The following GFPT2 variants were observed in gnomAD, a reference collection of about 807,000 sequenced individuals.
GFPT2 encodes glutamine--fructose-6-phosphate transaminase 2, also known as glutamine--fructose-6-phosphate aminotransferase [isomerizing] 2.
Under a neutral mutation model 85.6 loss-of-function variants are expected in GFPT2, and 62 were observed. The observed-to-expected ratio is 0.72, with a 90% CI of 0.59 to 0.90. The LOEUF (loss-of-function observed/expected upper bound fraction) is 0.90. Among genes scored for constraint, GFPT2 ranks in the 40% least tolerant of loss-of-function variants. The probability of loss-of-function intolerance (pLI) is 0.00; values close to 1 mark genes in which losing one functional copy is unlikely to be tolerated. For missense variants in GFPT2, 788 were observed against 893.4 expected (o/e 0.88, Z 1.50); for synonymous variants, 368 against 344.5 (o/e 1.07, Z -0.75).
chr5:180,308,939 G>A (rs542867033), intron 15 of GFPT2, among the ~76,000 whole-genome samples: 4 of 151,272 alleles, frequency 2.6e-5, no homozygotes, highest in African/African-American at 7.3e-5. Flanking sequence ...GCACGATCTC[G>A]GCTCACTGTA....
intron 1 of GFPT2, among the ~76,000 whole-genome samples, chr5:180,339,294 T>G (rs1296265084): frequency 1.3e-5 from 2 of 149,598 alleles, no homozygotes; most frequent in African/African-American, 5.0e-5. Context: ...GCAGGAGAAT[T>G]GCTTGAACCA....
At chr5:180,333,098 T>A (rs1314595244) in intron 4 of GFPT2, among the ~76,000 whole-genome samples, 1 of 152,174 alleles carries the variant, frequency 6.6e-6, no homozygotes, top group Non-Finnish European at 1.5e-5. Context: ...ATGTATTTAT[T>A]TATTTATTTT....
intron 15 of GFPT2, among the ~76,000 whole-genome samples, chr5:180,309,762 CAA>C (rs1195532620): frequency 2.6e-5 from 4 of 151,854 alleles, no homozygotes; most frequent in African/African-American, 9.7e-5. Context: ...AAGGATATTA[CAA>C]AGAGTTGCAA....
intron 1 of GFPT2, among the ~76,000 whole-genome samples, chr5:180,350,333 T>C (rs1764690436): frequency 6.6e-6 from 1 of 152,254 alleles, no homozygotes; most frequent in African/African-American, 2.4e-5. Flanking sequence ...CCCAATTTTG[T>C]ACTTTGGTAA....
intron 18 of GFPT2, 150 bp from the exon 19 acceptor site, chr5:180,301,758 T>C (rs1763677410): frequency 1.5e-6 from 1 of 682,560 alleles, no homozygotes; most frequent in Non-Finnish European, 2.7e-6. Flanking sequence ...GCAGATTCCT[T>C]AGTCCAGAAG....
intron 9 of GFPT2, among the ~76,000 whole-genome samples, chr5:180,321,655 C>T (rs1764122218): frequency 6.6e-6 from 1 of 152,274 alleles, no homozygotes; most frequent in African/African-American, 2.4e-5. Flanking sequence ...GGAGGGCCAC[C>T]TGCCATTCCT....
Position 180,328,446 on chromosome 5 carries a change from T to C in GFPT2, c.535-108A>G, listed in dbSNP as rs1031244413. The C allele has an allele frequency of 1.4e-5, 12 of 855,608 alleles. No individual in the cohort carries two copies. Among genetic ancestry groups the C allele is most frequent in the Non-Finnish European group, 2.0e-5 (10 of 504,274 alleles). The allele number at this position is 855,608 out of a possible 1,614,324, so 53.0% of individuals were successfully genotyped here. A position where few individuals can be genotyped will look rare whatever the true frequency, so the allele number is the denominator to read the frequency against. ...GGCCCCTCCTGATGGCGGGAGGTCC[T>C]GGGGTCCCTCGGGGAGCTGAGTGCA... On this transcript the variant is annotated intron_variant, in intron 6 of 18. Coordinates refer to ENST00000253778, the MANE Select transcript of GFPT2 (RefSeq NM_005110.4). This position sits in a 1 kb window ranked among gnomAD's most constrained non-coding sequence, Gnocchi z 5.4.
chr5:180,333,154 A>T (rs1469236110), intron 4 of GFPT2, among the ~76,000 whole-genome samples: 1 of 151,560 alleles, frequency 6.6e-6, no homozygotes, highest in Non-Finnish European at 1.5e-5. Context: ...CCAGTTACCC[A>T]TATGTTGGAT....
chr5:180,304,776 C>A lies in GFPT2; in HGVS notation c.1838G>T (p.Arg613Leu). 2 of 1,612,094 alleles carry A rather than the reference C, an allele frequency of 1.2e-6. No homozygotes were observed. Among genetic ancestry groups the A allele is most frequent in the Non-Finnish European group, 1.7e-6 (2 of 1,178,954 alleles). Residue 613 changes from arginine to leucine, a missense_variant, in exon 17 of 19, where the codon CGC becomes CTC. By Grantham distance (102) the Arg-to-Leu change is moderately radical (BLOSUM62 -2). Coordinates refer to ENST00000253778, the MANE Select transcript of GFPT2 (RefSeq NM_005110.4). ...CQNALQQVTA[R>L]QGRPIILCSK... ...AGTCCAGTGGAGAGCCCTCACCTGG[C>A]GGGCCGTGACTTGCTGCAGGGCGTT...
chr5:180,307,807 A>G (rs970328180), intron 15 of GFPT2, among the ~76,000 whole-genome samples: 15 of 152,236 alleles, frequency 9.9e-5, no homozygotes, highest in African/African-American at 3.4e-4. Context: ...GTCAACATTT[A>G]CCAGATTAGA....
Position 180,349,466 on chromosome 5 carries a change from A to G in GFPT2, c.7+3745T>C, listed in dbSNP as rs573836220. On this transcript the variant is annotated intron_variant, in intron 1 of 18. Transcript: ENST00000253778. ...CTCAATTGAAAAGCACTGTTTACTG[A>G]TGCTATACCATAAAGTTATAAAAAG... is the stretch of plus-strand genomic sequence containing the variant. Among the ~76,000 whole-genome samples the G allele has an allele frequency of 9.2e-5, 14 of 152,304 alleles. No individual in the cohort carries two copies. The South Asian group carries it at 2.7e-3, about 29-fold the overall frequency.
intron 16 of GFPT2, among the ~76,000 whole-genome samples, chr5:180,306,702 C>T (rs1763783842): frequency 6.6e-6 from 1 of 152,220 alleles, no homozygotes; most frequent in African/African-American, 2.4e-5. Context: ...GGAGAACCCA[C>T]CCCTCAATTT....
chr5:180,351,522 T>C (rs1032917603), intron 1 of GFPT2, among the ~76,000 whole-genome samples: 7 of 150,500 alleles, frequency 4.7e-5, no homozygotes, highest in Non-Finnish European at 8.9e-5. Flanking sequence ...GGCACCCCCA[T>C]GGACCGCAGC....
chr5:180,315,466 C>T (rs970393619), intron 13 of GFPT2, among the ~76,000 whole-genome samples: 2 of 152,176 alleles, frequency 1.3e-5, no homozygotes, highest in African/African-American at 4.8e-5. Context: ...GCGTGAGCCA[C>T]CGCGCCCGGC....
rs1367118191 is a variant in GFPT2 at position 180,301,358 on chromosome 5, TCTC to T, written c.*203_*205del. 2.6e-5 allele frequency: 16 copies of T among 604,198 alleles called. No homozygotes were observed. The highest frequency in any genetic ancestry group is 4.7e-5 in the Non-Finnish European group (16 of 337,104). 37.4% of individuals were successfully genotyped at this position (604,198 alleles called of 1,614,324 possible). ...CCCCATGTGTAAACAATGATTCCCT[TCTC>T]CTCTGGCGACTTCAGGACACAGAGA... is the stretch of plus-strand genomic sequence containing the variant. On this transcript the variant is annotated 3_prime_UTR_variant, in exon 19 of 19. Coordinates refer to ENST00000253778, the MANE Select transcript of GFPT2 (RefSeq NM_005110.4).
chr5:180,309,869 GGT>G, intron 15 of GFPT2, among the ~76,000 whole-genome samples: 1 of 151,246 alleles, frequency 6.6e-6, no homozygotes, highest in East Asian at 2.0e-4. Context: ...GGAGTGCAGT[GGT>G]GCGATCTCGG....
intron 13 of GFPT2, among the ~76,000 whole-genome samples, chr5:180,314,997 G>A (rs887593433): frequency 4.6e-5 from 7 of 152,256 alleles, no homozygotes; most frequent in African/African-American, 1.4e-4. Flanking sequence ...CAGCTCCTGC[G>A]TCATAAGGTG....
intron 1 of GFPT2, 47 bp downstream of exon 1, chr5:180,353,164 C>G: frequency 8.1e-7 from 1 of 1,229,042 alleles, no homozygotes; most frequent in Non-Finnish European, 1.0e-6. Flanking sequence ...GGCGCCGGGA[C>G]CCGCGGACGG....
Position 180,318,413 on chromosome 5 carries a change from C to G in GFPT2, c.958+380G>C, listed in dbSNP as rs77381392. Among the ~76,000 whole-genome samples, 24,053 of 152,088 alleles carry G rather than the reference C, an allele frequency of 0.16. 2,242 individuals carry two copies. Among genetic ancestry groups the G allele is most frequent in the East Asian group, 0.34 (1,750 of 5,148 alleles). On this transcript the variant is annotated intron_variant, in intron 10 of 18. Coordinates refer to ENST00000253778, the MANE Select transcript of GFPT2 (RefSeq NM_005110.4). The surrounding 1 kb of genome is among the most constrained non-coding windows in gnomAD (Gnocchi z 4.2). ...ACAGAAATGGGTGCAGACAGAGAGG[C>G]TCTCCTTGTAGGGAGAAAGTGTACC... is the stretch of plus-strand genomic sequence containing the variant.
Sources: gnomAD v4.1 joint callset for allele counts (sites outside exome capture counted in the v4.1 genomes callset) on GRCh38, gnomAD v4.1.1 for gene constraint, Gnocchi (gnomAD v3.1) non-coding constraint, MANE v1.5 for transcripts, NCBI Gene and HGNC (gene_info 2026-07-23, HGNC 2026-07-21) for gene names.